SHISA9: variants seen among roughly 807,000 people sequenced by gnomAD.
SHISA9 encodes shisa family member 9, also known as protein shisa-9.
SHISA9 carries 13 observed loss-of-function variants against 38.0 expected under a neutral mutation model. That is an observed-to-expected ratio of 0.34 (90% CI 0.22 to 0.54). The LOEUF (loss-of-function observed/expected upper bound fraction) is 0.54. SHISA9 is among the 20% of genes least tolerant of loss of function. The pLI is 0.91. For missense variants in SHISA9, 538 were observed against 575.8 expected, an observed-to-expected ratio of 0.93 and a Z score of 0.67; for synonymous variants, 275 against 242.0, an observed-to-expected ratio of 1.14 and a Z score of -1.27.
chr16:13,429,616 C>T, the SHISA9 span, among the ~76,000 whole-genome samples: 1 of 152,148 alleles, frequency 6.6e-6, no homozygotes, highest in East Asian at 1.9e-4. Flanking sequence ...AGGCTTTATT[C>T]CAAATAAGGT....
At chr16:13,241,268 A>G (rs536325260), downstream of SHISA9, among the ~76,000 whole-genome samples, 12 of 152,306 alleles carry the variant, frequency 7.9e-5, no homozygotes, top group South Asian at 2.3e-3. Flanking sequence ...TAATTCCAGC[A>G]CTTTGGGAGG....
At chr16:13,065,583 G>T (rs1051114570) in intron 2 of SHISA9, among the ~76,000 whole-genome samples, 2 of 152,232 alleles carry the variant, frequency 1.3e-5, no homozygotes, top group African/African-American at 4.8e-5. Flanking sequence ...TCTTGGGTGA[G>T]ATTTCTTTTC....
chr16:13,417,428 G>A, the SHISA9 span, among the ~76,000 whole-genome samples: 1 of 152,174 alleles, frequency 6.6e-6, no homozygotes, highest in Non-Finnish European at 1.5e-5. Context: ...AAGGAGAAGG[G>A]AGAACTGGGT....
intron 2 of SHISA9, among the ~76,000 whole-genome samples, chr16:13,097,031 A>G (rs749604496): frequency 2.0e-5 from 3 of 152,060 alleles, no homozygotes; most frequent in Non-Finnish European, 2.9e-5. Context: ...TCTCTCCCCA[A>G]CTAGAAGTGC....
chr16:12,970,342 T>TGTATATATATACAC, intron 2 of SHISA9, among the ~76,000 whole-genome samples: 1 of 77,184 alleles, frequency 1.3e-5, no homozygotes, highest in South Asian at 3.4e-4. Context: ...TATATATATA[T>TGTATATATATACAC]ACATATATGT....
chr16:13,057,089 T>C (rs1389589946), intron 2 of SHISA9, among the ~76,000 whole-genome samples: 2 of 152,192 alleles, frequency 1.3e-5, no homozygotes, highest in Admixed American at 6.5e-5. Context: ...CTCGGTGCTA[T>C]AGGCCCGCTA....
the SHISA9 span, among the ~76,000 whole-genome samples, chr16:13,356,516 G>T: frequency 6.6e-6 from 1 of 152,076 alleles, no homozygotes; most frequent in Admixed American, 6.5e-5. Context: ...GGAACGAAAC[G>T]GTAAGCCAGA....
intron 2 of SHISA9, among the ~76,000 whole-genome samples, chr16:12,942,302 G>T (rs1028113210): frequency 1.1e-4 from 16 of 152,186 alleles, no homozygotes; most frequent in African/African-American, 3.9e-4. Context: ...AGAGGGAAAG[G>T]GCAGAAATGG....
chr16:12,903,166 G>A (rs1461701379), intron 1 of SHISA9, among the ~76,000 whole-genome samples: 1 of 152,190 alleles, frequency 6.6e-6, no homozygotes, highest in Non-Finnish European at 1.5e-5. Flanking sequence ...AGGGGAGGGC[G>A]AGAACAAAAG....
chr16:13,466,574 GTTGTTT>G, the SHISA9 span, among the ~76,000 whole-genome samples: 2 of 152,096 alleles, frequency 1.3e-5, no homozygotes, highest in African/African-American at 4.8e-5. Flanking sequence ...TGTTGTTGTT[GTTGTTT>G]TTTTAAAAAA....
intron 2 of SHISA9, among the ~76,000 whole-genome samples, chr16:13,048,110 A>T (rs8056230): frequency 0.63 from 95,110 of 152,112 alleles, 30,405 homozygotes; most frequent in Middle Eastern, 0.74. Flanking sequence ...TTTTCTTTGA[A>T]GGATTTAGAG....
At chr16:13,543,282 G>A in the SHISA9 span, among the ~76,000 whole-genome samples, 1 of 152,316 alleles carries the variant, frequency 6.6e-6, no homozygotes, top group East Asian at 1.9e-4. Context: ...ACAGAGGGGT[G>A]TGTTTATTTT....
At chr16:13,048,979 A>G (rs556986355) in intron 2 of SHISA9, among the ~76,000 whole-genome samples, 18 of 152,340 alleles carry the variant, frequency 1.2e-4, no homozygotes, top group African/African-American at 4.1e-4. Context: ...CATTCAACTC[A>G]TTAAATCCTT....
At chr16:13,311,652 A>G in the SHISA9 span, among the ~76,000 whole-genome samples, 1 of 151,914 alleles carries the variant, frequency 6.6e-6, no homozygotes. Context: ...TACAATGTCC[A>G]CTCCAGACTA....
At chr16:12,976,571 C>G (rs62027186) in intron 2 of SHISA9, among the ~76,000 whole-genome samples, 17,637 of 152,194 alleles carry the variant, frequency 0.12, 1,135 homozygotes, top group Admixed American at 0.15. Context: ...CTGAATTCCT[C>G]TGAAATTCAG....
At chr16:13,070,135 TG>T (rs2073494681) in intron 2 of SHISA9, among the ~76,000 whole-genome samples, 1 of 151,720 alleles carries the variant, frequency 6.6e-6, no homozygotes, top group Admixed American at 6.6e-5. Flanking sequence ...TGTGTGTGTG[TG>T]TGTGTGTGTG....
chr16:12,923,057 C>G, intron 2 of SHISA9, among the ~76,000 whole-genome samples: 1 of 152,142 alleles, frequency 6.6e-6, no homozygotes, highest in South Asian at 2.1e-4. Context: ...GAGCTCCTGA[C>G]CGCAGGTGAT....
the SHISA9 span, among the ~76,000 whole-genome samples, chr16:13,375,024 T>C: frequency 2.0e-5 from 3 of 152,164 alleles, no homozygotes; most frequent in Admixed American, 6.5e-5. Flanking sequence ...GGTTGTTTGA[T>C]TTTTTCTCGT....
At chr16:12,952,754 T>G (rs1450133774) in intron 2 of SHISA9, among the ~76,000 whole-genome samples, 1 of 152,196 alleles carries the variant, frequency 6.6e-6, no homozygotes, top group Non-Finnish European at 1.5e-5. Flanking sequence ...CCACCATGAT[T>G]GTAAGTTTCC....
Sources: gnomAD v4.1 joint callset for allele counts (sites outside exome capture counted in the v4.1 genomes callset) on GRCh38, gnomAD v4.1.1 for gene constraint, MANE v1.5 for transcripts, NCBI Gene and HGNC (gene_info 2026-07-23, HGNC 2026-07-21) for gene names.